Variants in FAM149A observed in about 807,000 individuals in gnomAD.
FAM149A encodes family with sequence similarity 149 member A, also known as protein FAM149A.
Under a neutral mutation model 78.2 loss-of-function variants are expected in FAM149A, and 71 were observed. That is an observed-to-expected ratio of 0.91 (90% CI 0.75 to 1.11). The LOEUF is 1.11. Ranked by LOEUF, FAM149A falls within the 50% of genes least tolerant of loss-of-function variation. The probability of loss-of-function intolerance (pLI) is 0.00; values close to 1 mark genes in which losing one functional copy is unlikely to be tolerated. For missense variants in FAM149A, 1,036 were observed against 971.0 expected (o/e 1.07, Z -0.89); for synonymous variants, 446 against 410.5 (o/e 1.09, Z -1.04).
intron 3 of FAM149A, 31 bp from the exon 4 acceptor site, chr4:186,151,870 CAG>C (rs1733612228): frequency 6.2e-7 from 1 of 1,609,820 alleles, no homozygotes; most frequent in African/African-American, 1.3e-5. Context: ...CTGTAACTTG[CAG>C]TGTTGTAACC....
Position 186,157,695 on chromosome 4 carries a change from G to C in FAM149A, c.1551G>C (p.Leu517=). The C allele has an allele frequency of 6.2e-7, 1 of 1,612,768 alleles. No homozygotes were observed. The highest frequency in any genetic ancestry group is 8.5e-7 in the Non-Finnish European group (1 of 1,179,262). ...ACGCCGAGGCTCACGGCATCTCCCT[G>C]GCTTCTCGTCTGAACCCGCCCCAGG... Residue 517 remains leucine (L), a synonymous_variant, in exon 8 of 14, where the codon CTG becomes CTC. Transcript: ENST00000389354.
At chr4:186,165,555 A>G in intron 11 of FAM149A, 91 bp downstream of exon 11, 1 of 1,324,138 alleles carries the variant, frequency 7.6e-7, no homozygotes. Context: ...AAGTGAAATT[A>G]GTAACATGAG....
At chr4:186,158,750 C>T in intron 8 of FAM149A, 1 of 1,072,032 alleles carries the variant, frequency 9.3e-7, no homozygotes, top group Non-Finnish European at 1.1e-6. Context: ...GCCGTCCCTA[C>T]TGCAGACTGG....
chr4:186,160,537 A>G (rs1186747428), intron 8 of FAM149A, among the ~76,000 whole-genome samples: 1 of 148,364 alleles, frequency 6.7e-6, no homozygotes, highest in Admixed American at 6.7e-5. Context: ...ACTACACACC[A>G]CACGCACACC....
At chr4:186,143,137 G>A (rs1023845923) in intron 1 of FAM149A, among the ~76,000 whole-genome samples, 2 of 136,750 alleles carry the variant, frequency 1.5e-5, no homozygotes, top group East Asian at 2.2e-4. Flanking sequence ...ATGACTTTGT[G>A]TTCGATTTTT....
chr4:186,140,203 A>G (rs757138163), intron 1 of FAM149A, among the ~76,000 whole-genome samples: 14 of 152,204 alleles, frequency 9.2e-5, no homozygotes, highest in Admixed American at 5.9e-4. Flanking sequence ...AATCAGGTCA[A>G]TTTTTAGAGG....
intron 5 of FAM149A, among the ~76,000 whole-genome samples, 179 bp from the exon 6 acceptor site, chr4:186,154,289 A>G (rs1354153575): frequency 6.6e-6 from 1 of 152,242 alleles, no homozygotes; most frequent in Non-Finnish European, 1.5e-5. Context: ...AAAATGTTTA[A>G]TGATGCCTGT....
Position 186,164,287 on chromosome 4 carries a change from C to T in FAM149A, c.1889+654C>T, listed in dbSNP as rs1349821175. ...AAACTTTATATTGTTGGGACTCATA[C>T]TATCCCAAATCTGAGATGAGGGAAC... On this transcript the variant is annotated intron_variant, in intron 10 of 13. Coordinates refer to ENST00000389354, the MANE Select transcript of FAM149A (RefSeq NM_001367768.3). The surrounding 1 kb of genome is among the most constrained non-coding windows in gnomAD (Gnocchi z 4.0). The T allele has an allele frequency of 6.3e-6, 1 of 157,750 alleles. No homozygotes were observed. The highest frequency in any genetic ancestry group is 2.4e-5 in the African/African-American group (1 of 41,558). 9.8% of individuals were successfully genotyped at this position (157,750 alleles called of 1,614,324 possible).
At position 186,149,215 on chromosome 4, in the gene FAM149A, G is replaced by A. The variant is rs1489127139; in HGVS notation, c.609G>A (p.Val203=). The A allele has an allele frequency of 7.8e-7, 1 of 1,289,164 alleles. No individual in the cohort carries two copies. The highest frequency in any genetic ancestry group is 1.0e-6 in the Non-Finnish European group (1 of 988,610). The allele number at this position is 1,289,164 out of a possible 1,614,324, so 79.9% of individuals were successfully genotyped here. A position where few individuals can be genotyped will look rare whatever the true frequency, so the allele number is the denominator to read the frequency against. ...GACGTAGAAGGCACGGTTTTACTGTGAGGAGCAAAGATTCTTTACCTACGC... is the reference window on the plus strand; with the variant it reads ...GACGTAGAAGGCACGGTTTTACTGTAAGGAGCAAAGATTCTTTACCTACGC... The change falls in exon 2 of 14, where the codon GTG becomes GTA. Residue 203 remains valine, a synonymous_variant. Transcript: ENST00000389354.
chr4:186,130,263 A>ATCTCTCTCCCTCTCTCTCTCTCTCTCTC (rs2099320024), intron 1 of FAM149A: 1 of 67,098 alleles, frequency 1.5e-5, no homozygotes, highest in African/African-American at 5.3e-5. Context: ...ACTTTATGAA[A>ATCTCTCTCCCTCTCTCTCTCTCTCTCTC]TCTCTCTCTC....
intron 1 of FAM149A, among the ~76,000 whole-genome samples, chr4:186,142,099 C>G (rs2099326038): frequency 6.6e-6 from 1 of 152,048 alleles, no homozygotes; most frequent in Non-Finnish European, 1.5e-5. Flanking sequence ...AAGCAACAGC[C>G]CAGAGGACAG....
chr4:186,127,781 G>A (rs1447073604), intron 1 of FAM149A: 1 of 496,050 alleles, frequency 2.0e-6, no homozygotes, highest in Admixed American at 6.4e-5. Flanking sequence ...TGCCTTCCAA[G>A]TTCAAGCAAT....
intron 1 of FAM149A, among the ~76,000 whole-genome samples, chr4:186,119,875 C>T (rs1373049789): frequency 6.6e-6 from 1 of 152,144 alleles, no homozygotes; most frequent in Non-Finnish European, 1.5e-5. Flanking sequence ...TCCAGTTGAA[C>T]TAAGAGCCTA....
chr4:186,118,038 T>C (rs2099314448), intron 1 of FAM149A: 2 of 985,182 alleles, frequency 2.0e-6, no homozygotes, highest in Non-Finnish European at 2.4e-6. Context: ...TGAGTTGAGG[T>C]CTAGGGAAAC....
chr4:186,158,877 G>A, intron 8 of FAM149A: 1 of 834,522 alleles, frequency 1.2e-6, no homozygotes, highest in Non-Finnish European at 1.4e-6. Flanking sequence ...CCAGCAAGAT[G>A]GAAATAAGGC....
At chr4:186,106,098 C>G (rs541560844) in intron 1 of FAM149A, among the ~76,000 whole-genome samples, 12 of 152,256 alleles carry the variant, frequency 7.9e-5, no homozygotes, top group Admixed American at 7.8e-4. Context: ...CTAGTCTTAT[C>G]CTAAGTGGGA....
chr4:186,136,976 T>TCTCTCTCTCTCTCTC (rs2099323291), intron 1 of FAM149A, among the ~76,000 whole-genome samples: 5 of 72,114 alleles, frequency 6.9e-5, no homozygotes, highest in Non-Finnish European at 7.7e-5. Context: ...CTCTCTCTCT[T>TCTCTCTCTCTCTCTC]TCTCTCTCTC....
chr4:186,122,551 G>A lies in FAM149A; in HGVS notation c.566+16909G>A, dbSNP rs58541521. Among the ~76,000 whole-genome samples, 466 of 152,186 alleles carry A rather than the reference G, an allele frequency of 3.1e-3. 1 individual carries two copies. Among genetic ancestry groups the A allele is most frequent in the African/African-American group, 9.0e-3 (372 of 41,548 alleles). On this transcript the variant is annotated intron_variant, in intron 1 of 13. Transcript: ENST00000389354. ...TTTGCAACTTCCTTTCAAATGGTCC[G>A]GAATAAAATATGTTTCTGGATTTAA...
chr4:186,143,412 A>ACG (rs1332838720), intron 1 of FAM149A, among the ~76,000 whole-genome samples: 14 of 151,718 alleles, frequency 9.2e-5, no homozygotes, highest in African/African-American at 3.4e-4. Flanking sequence ...ACACATACAC[A>ACG]CACATCACAC....
Sources: gnomAD v4.1 joint callset for allele counts (sites outside exome capture counted in the v4.1 genomes callset) on GRCh38, gnomAD v4.1.1 for gene constraint, Gnocchi (gnomAD v3.1) non-coding constraint, MANE v1.5 for transcripts, NCBI Gene and HGNC (gene_info 2026-07-23, HGNC 2026-07-21) for gene names.